Variants in SNX13 observed in about 807,000 individuals in gnomAD.
SNX13 encodes the protein sorting nexin 13.
A neutral mutation model predicts 133.6 loss-of-function variants in SNX13; 45 were observed. The ratio of observed to expected loss-of-function variants is 0.34; its 90% CI spans 0.27 to 0.43. The LOEUF (loss-of-function observed/expected upper bound fraction) is 0.43. Among genes scored for constraint, SNX13 ranks in the 20% least tolerant of loss-of-function variants. The pLI, the probability that SNX13 is intolerant of heterozygous loss-of-function variation, is 1.00. For missense variants in SNX13, 1,032 were observed against 1,145.1 expected (o/e 0.90, Z 1.43); for synonymous variants, 414 against 373.9 (o/e 1.11, Z -1.24).
chr7:17,898,470 A>G (rs1439085910), intron 1 of SNX13, among the ~76,000 whole-genome samples: 1 of 152,198 alleles, frequency 6.6e-6, no homozygotes, highest in Non-Finnish European at 1.5e-5. Flanking sequence ...CTCACCAGTC[A>G]TTGCTTCCTA....
In SNX13 at chr7:17,792,948, GAAATAT is replaced by G. The variant is rs1783696364; in HGVS notation, c.*1091_*1096del. ...TATTTTGTAGAACTTTACATTATGT[GAAATAT>G]AAATAAAAGCATATTTTTAAAAATA... On this transcript the variant is annotated 3_prime_UTR_variant, in exon 26 of 26. Coordinates refer to ENST00000428135, the MANE Select transcript of SNX13 (RefSeq NM_015132.5). 1 of 152,142 alleles carries G rather than the reference GAAATAT, an allele frequency of 6.6e-6. No homozygotes were observed. The highest frequency in any genetic ancestry group is 2.4e-5 in the African/African-American group (1 of 41,362). 9.4% of individuals were successfully genotyped at this position (152,142 alleles called of 1,614,324 possible).
intron 5 of SNX13, among the ~76,000 whole-genome samples, chr7:17,885,982 T>C (rs1205946158): frequency 1.3e-5 from 2 of 152,214 alleles, no homozygotes. Flanking sequence ...AAATTTCATA[T>C]AGCAAAGAAT....
intron 12 of SNX13, among the ~76,000 whole-genome samples, chr7:17,843,038 CAT>C (rs1338157691): frequency 6.6e-6 from 1 of 151,760 alleles, no homozygotes; most frequent in Non-Finnish European, 1.5e-5. Flanking sequence ...TCAAAAAAGA[CAT>C]AAAGCATGTA....
intron 8 of SNX13, among the ~76,000 whole-genome samples, chr7:17,869,718 T>C (rs1467775601): frequency 1.3e-5 from 2 of 152,166 alleles, no homozygotes; most frequent in South Asian, 2.1e-4. Context: ...CTTTGCAGTC[T>C]GAAATGACAA....
intron 7 of SNX13, among the ~76,000 whole-genome samples, chr7:17,874,217 T>C (rs924427596): frequency 3.3e-5 from 5 of 152,152 alleles, no homozygotes; most frequent in Admixed American, 2.6e-4. Context: ...AGTAAATATA[T>C]TGGAAAATTT....
chr7:17,938,836 GCTAA>G (rs1336168676), intron 1 of SNX13, among the ~76,000 whole-genome samples: 2 of 152,114 alleles, frequency 1.3e-5, no homozygotes, highest in African/African-American at 2.4e-5. Context: ...TTATTATAAG[GCTAA>G]CTGTTCCCAC....
At chr7:17,803,209 A>C (rs963562809) in intron 21 of SNX13, among the ~76,000 whole-genome samples, 4 of 152,222 alleles carry the variant, frequency 2.6e-5, no homozygotes, top group African/African-American at 7.2e-5. Flanking sequence ...ACCCTACCAC[A>C]GCAGAGACTA....
At chr7:17,829,926 A>G (rs1368048344) in intron 16 of SNX13, 84 bp downstream of exon 16, 4 of 976,094 alleles carry the variant, frequency 4.1e-6, no homozygotes, top group African/African-American at 3.4e-5. Context: ...CCTTCTTTAT[A>G]TATCATTTAT....
At chr7:17,838,650 A>T (rs1273318849) in intron 13 of SNX13, among the ~76,000 whole-genome samples, 5 of 151,880 alleles carry the variant, frequency 3.3e-5, no homozygotes, top group Non-Finnish European at 4.4e-5. Context: ...AATTGATACA[A>T]TGCATTTTCA....
chr7:17,938,876 T>C (rs1183725877), intron 1 of SNX13, among the ~76,000 whole-genome samples: 1 of 152,178 alleles, frequency 6.6e-6, no homozygotes, highest in Non-Finnish European at 1.5e-5. Flanking sequence ...AAGGTAAAAA[T>C]GAAACTTCTG....
At chr7:17,921,682 C>T (rs753026145) in intron 1 of SNX13, among the ~76,000 whole-genome samples, 6 of 152,160 alleles carry the variant, frequency 3.9e-5, no homozygotes, top group Non-Finnish European at 5.9e-5. Flanking sequence ...TTTTAAAATC[C>T]CACTACCCAG....
chr7:17,837,420 G>A (rs544247413), intron 13 of SNX13, among the ~76,000 whole-genome samples: 3 of 152,116 alleles, frequency 2.0e-5, no homozygotes, highest in Admixed American at 6.6e-5. Flanking sequence ...GATTTTAGGT[G>A]TGAGCCACTG....
chr7:17,798,710 G>A lies in SNX13; in HGVS notation c.2493C>T (p.Ala831=), dbSNP rs373083619. The A allele has an allele frequency of 2.1e-5, 33 of 1,577,646 alleles. No homozygotes were observed. Among genetic ancestry groups the A allele is most frequent in the Middle Eastern group, 1.7e-4 (1 of 5,986 alleles). Reference sequence around the variant, plus strand: ...TATACCTGAAACGTTTCACTGAGTCGGCTACTTGTTCAGGTGAAGTCATCC... The same window carrying A: ...TATACCTGAAACGTTTCACTGAGTCAGCTACTTGTTCAGGTGAAGTCATCC... The part of the protein sequence containing the change: ...VDWMTSPEQV[A]DSVKRFRDAF... Residue 831 remains alanine (A), a synonymous_variant, in exon 24 of 26, where the codon GCC becomes GCT. Coordinates refer to ENST00000428135, the MANE Select transcript of SNX13 (RefSeq NM_015132.5).
At chr7:17,850,065 T>A (rs1791027710) in intron 11 of SNX13, among the ~76,000 whole-genome samples, 1 of 152,156 alleles carries the variant, frequency 6.6e-6, no homozygotes. Context: ...TAAATGTAAG[T>A]TTTGAATAAA....
chr7:17,824,435 G>A (rs1344963186), intron 17 of SNX13, among the ~76,000 whole-genome samples: 1 of 152,062 alleles, frequency 6.6e-6, no homozygotes, highest in East Asian at 1.9e-4. Context: ...GGTAAAATAA[G>A]TATTTAATGA....
chr7:17,878,366 C>T (rs957879072), intron 5 of SNX13, among the ~76,000 whole-genome samples: 3 of 152,056 alleles, frequency 2.0e-5, no homozygotes, highest in African/African-American at 7.2e-5. Flanking sequence ...AAAAGTGATA[C>T]AATTAACCCT....
intron 9 of SNX13, among the ~76,000 whole-genome samples, chr7:17,851,641 T>C (rs1791222081): frequency 6.8e-6 from 1 of 147,958 alleles, no homozygotes; most frequent in African/African-American, 2.5e-5. Context: ...ACTAACATCG[T>C]TGGCCTGACA....
At chr7:17,931,728 A>C (rs555680539) in intron 1 of SNX13, among the ~76,000 whole-genome samples, 2 of 152,370 alleles carry the variant, frequency 1.3e-5, no homozygotes, top group South Asian at 4.1e-4. Flanking sequence ...CAGAGAAAAC[A>C]GTGCAATAAG....
intron 2 of SNX13, among the ~76,000 whole-genome samples, chr7:17,894,547 G>A (rs1395592436): frequency 1.3e-5 from 2 of 151,878 alleles, no homozygotes; most frequent in Non-Finnish European, 2.9e-5. Context: ...AAATATAAAT[G>A]TATCCCAAAA....
Sources: gnomAD v4.1 joint callset for allele counts (sites outside exome capture counted in the v4.1 genomes callset) on GRCh38, gnomAD v4.1.1 for gene constraint, MANE v1.5 for transcripts, NCBI Gene and HGNC (gene_info 2026-07-23, HGNC 2026-07-21) for gene names.